The following CDH20 variants were observed in gnomAD, a reference collection of about 807,000 sequenced individuals.
CDH20 encodes the protein cadherin 20.
A neutral mutation model predicts 74.2 loss-of-function variants in CDH20; 29 were observed. That is an observed-to-expected ratio of 0.39 (90% confidence interval 0.29 to 0.53). The LOEUF is 0.53. Ranked by LOEUF, CDH20 falls within the 20% of genes least tolerant of loss-of-function variation. The pLI, the probability that CDH20 is intolerant of heterozygous loss-of-function variation, is 0.69. For missense variants in CDH20, 988 were observed against 1,048.3 expected, an observed-to-expected ratio of 0.94 and a Z score of 0.79; for synonymous variants, 469 against 405.4, an observed-to-expected ratio of 1.16 and a Z score of -1.88.
chr18:61,418,553 C>CAAA (rs36009749), intron 1 of CDH20, among the ~76,000 whole-genome samples: 84 of 68,488 alleles, frequency 1.2e-3, no homozygotes, highest in African/African-American at 2.0e-3. Context: ...GACTCTGTCT[C>CAAA]AAAAAAAAAA....
At chr18:61,360,540 A>G (rs1343575495) in intron 1 of CDH20, among the ~76,000 whole-genome samples, 1 of 151,416 alleles carries the variant, frequency 6.6e-6, no homozygotes, top group African/African-American at 2.4e-5. Context: ...AGGGGAGGGG[A>G]GGGTAGGGGA....
intron 5 of CDH20, among the ~76,000 whole-genome samples, chr18:61,505,376 C>T (rs1462074051): frequency 1.4e-5 from 2 of 145,408 alleles, no homozygotes; most frequent in African/African-American, 5.1e-5. Flanking sequence ...CTTGCTCTGT[C>T]ACCCAGGCTG....
chr18:61,335,939 G>C (rs1161138265), intron 1 of CDH20, among the ~76,000 whole-genome samples: 1 of 152,192 alleles, frequency 6.6e-6, no homozygotes, highest in Non-Finnish European at 1.5e-5. Context: ...CGTTTGGGGA[G>C]AGTTGCCGGG....
chr18:61,531,404 G>A (rs2092097986), intron 7 of CDH20, among the ~76,000 whole-genome samples: 1 of 152,236 alleles, frequency 6.6e-6, no homozygotes, highest in Admixed American at 6.5e-5. Context: ...CAGGGACATG[G>A]CTCCGTGGAC....
chr18:61,441,093 T>G (rs1909015576), intron 1 of CDH20, among the ~76,000 whole-genome samples: 1 of 152,188 alleles, frequency 6.6e-6, no homozygotes, highest in Admixed American at 6.5e-5. Flanking sequence ...TTGTTCTTGA[T>G]CTAAGATCTT....
chr18:61,460,240 T>G (rs931226645), intron 1 of CDH20, among the ~76,000 whole-genome samples: 1 of 152,116 alleles, frequency 6.6e-6, no homozygotes, highest in African/African-American at 2.4e-5. Flanking sequence ...GTCAAGAAAC[T>G]GTTTAGGGGG....
intron 1 of CDH20, among the ~76,000 whole-genome samples, chr18:61,410,107 C>A (rs1049857376): frequency 1.3e-5 from 2 of 152,166 alleles, no homozygotes; most frequent in African/African-American, 4.8e-5. Flanking sequence ...TACTATGTTT[C>A]CTAGAGGCAG....
intron 1 of CDH20, among the ~76,000 whole-genome samples, chr18:61,442,186 C>T (rs921336060): frequency 1.1e-4 from 17 of 151,874 alleles, no homozygotes; most frequent in East Asian, 1.9e-4. Context: ...TCTCTCCCTA[C>T]GTAAAAAACT....
chr18:61,355,811 T>C (rs955442571), intron 1 of CDH20, among the ~76,000 whole-genome samples: 6 of 152,172 alleles, frequency 3.9e-5, no homozygotes, highest in Non-Finnish European at 8.8e-5. Context: ...TTAATAAATT[T>C]GGGCAAAAAT....
At chr18:61,420,782 C>T (rs540454359) in intron 1 of CDH20, among the ~76,000 whole-genome samples, 2 of 152,230 alleles carry the variant, frequency 1.3e-5, no homozygotes, top group Admixed American at 6.5e-5. Context: ...TGGCTGGGCG[C>T]GGTGGCTCAC....
chr18:61,354,306 G>A (rs1322945563), intron 1 of CDH20, among the ~76,000 whole-genome samples: 1 of 152,022 alleles, frequency 6.6e-6, no homozygotes, highest in Non-Finnish European at 1.5e-5. Flanking sequence ...CAAGCCTCTG[G>A]CAAATTAAAA....
rs547340888 is a variant in CDH20 at position 61,463,093 on chromosome 18, G to C, written c.-152-27309G>C. On this transcript the variant is annotated intron_variant, in intron 1 of 11. Coordinates refer to ENST00000262717, the MANE Select transcript of CDH20 (RefSeq NM_031891.4). ...TCTTACCCGACTTAATTGTCTTCCT[G>C]GACTTAGAATTTCCCATCTCTCCCT... Among the ~76,000 whole-genome samples, 7 of 152,194 alleles carry C rather than the reference G, an allele frequency of 4.6e-5. No individual in the cohort carries two copies. The East Asian group carries it at 1.4e-3, about 29-fold the overall frequency.
chr18:61,424,192 C>A (rs1443514631), intron 1 of CDH20, among the ~76,000 whole-genome samples: 4 of 152,218 alleles, frequency 2.6e-5, no homozygotes, highest in African/African-American at 9.6e-5. Context: ...TCCATCACCT[C>A]AAACATTTAT....
At chr18:61,543,136 T>C (rs1032259066) in intron 9 of CDH20, among the ~76,000 whole-genome samples, 1 of 152,174 alleles carries the variant, frequency 6.6e-6, no homozygotes, top group East Asian at 1.9e-4. Flanking sequence ...AGCAACACAG[T>C]GTCCAAAAGG....
At chr18:61,426,314 CTCAA>C (rs1771933174) in intron 1 of CDH20, among the ~76,000 whole-genome samples, 1 of 152,092 alleles carries the variant, frequency 6.6e-6, no homozygotes, top group Non-Finnish European at 1.5e-5. Context: ...CCAACTCTCC[CTCAA>C]TCATTTTATA....
At chr18:61,359,499 T>C (rs761503929) in intron 1 of CDH20, among the ~76,000 whole-genome samples, 1 of 152,174 alleles carries the variant, frequency 6.6e-6, no homozygotes, top group Non-Finnish European at 1.5e-5. Context: ...ACCAATCTTC[T>C]AAGAATTCAC....
At chr18:61,533,931 T>C (rs1912734475) in intron 7 of CDH20, among the ~76,000 whole-genome samples, 1 of 152,238 alleles carries the variant, frequency 6.6e-6, no homozygotes, top group Admixed American at 6.5e-5. Flanking sequence ...GTTAATTCAC[T>C]GTAGACCCAT....
chr18:61,352,867 A>G (rs1010294840), intron 1 of CDH20, among the ~76,000 whole-genome samples: 1 of 152,222 alleles, frequency 6.6e-6, no homozygotes, highest in Non-Finnish European at 1.5e-5. Flanking sequence ...TGTTTCATTC[A>G]TAGAAGTTCT....
At chr18:61,439,816 A>C (rs1232147799) in intron 1 of CDH20, among the ~76,000 whole-genome samples, 1 of 152,196 alleles carries the variant, frequency 6.6e-6, no homozygotes, top group Admixed American at 6.5e-5. Flanking sequence ...CCATATGTGG[A>C]GAACATCAAG....
Sources: gnomAD v4.1 joint callset for allele counts (sites outside exome capture counted in the v4.1 genomes callset) on GRCh38, gnomAD v4.1.1 for gene constraint, MANE v1.5 for transcripts, NCBI Gene and HGNC (gene_info 2026-07-23, HGNC 2026-07-21) for gene names.